Variants in NTNG1 observed in about 807,000 individuals in gnomAD.
The protein encoded by NTNG1 is netrin G1.
Under a neutral mutation model 54.0 loss-of-function variants are expected in NTNG1, and 16 were observed. The observed-to-expected ratio is 0.30, with a 90% CI of 0.20 to 0.45. The LOEUF (loss-of-function observed/expected upper bound fraction) is 0.45. NTNG1 is among the 20% of genes least tolerant of loss of function. The probability of loss-of-function intolerance (pLI) is 1.00; values close to 1 mark genes in which losing one functional copy is unlikely to be tolerated. For synonymous variants in NTNG1, 255 were observed against 263.1 expected (o/e 0.97, Z 0.30); for missense variants, 530 against 678.7 (o/e 0.78, Z 2.43).
At chr1:107,269,297 C>T (rs528393957) in intron 2 of NTNG1, among the ~76,000 whole-genome samples, 1 of 152,236 alleles carries the variant, frequency 6.6e-6, no homozygotes, top group East Asian at 1.9e-4. Context: ...CTACATGACT[C>T]ACTCCCATTC....
At chr1:107,389,742 G>T (rs1211657944) in intron 3 of NTNG1, among the ~76,000 whole-genome samples, 1 of 152,210 alleles carries the variant, frequency 6.6e-6, no homozygotes, top group African/African-American at 2.4e-5. Flanking sequence ...GCAGTGCTTA[G>T]GTATGAGTAC....
intron 3 of NTNG1, among the ~76,000 whole-genome samples, chr1:107,392,723 T>G (rs1672439591): frequency 6.6e-6 from 1 of 152,012 alleles, no homozygotes; most frequent in South Asian, 2.1e-4. Flanking sequence ...GGGAGAGGAC[T>G]TAGGAGGTAG....
chr1:107,413,757 A>T (rs1027998824), intron 5 of NTNG1, among the ~76,000 whole-genome samples: 1 of 152,190 alleles, frequency 6.6e-6, no homozygotes, highest in African/African-American at 2.4e-5. Context: ...CAGGCAGCCA[A>T]GTCTTAAATG....
chr1:107,479,112 T>G (rs1385323557), intron 7 of NTNG1, among the ~76,000 whole-genome samples: 1 of 152,212 alleles, frequency 6.6e-6, no homozygotes, highest in East Asian at 1.9e-4. Context: ...CGTGGATACA[T>G]TTGAAAATTA....
intron 3 of NTNG1, among the ~76,000 whole-genome samples, chr1:107,332,157 T>G (rs895384853): frequency 1.3e-5 from 2 of 152,120 alleles, no homozygotes; most frequent in African/African-American, 4.8e-5. Context: ...AATATATGCA[T>G]AAGCAGCTCA....
At chr1:107,155,358 G>T (rs1328130144) in intron 2 of NTNG1, among the ~76,000 whole-genome samples, 1 of 151,902 alleles carries the variant, frequency 6.6e-6, no homozygotes, top group Non-Finnish European at 1.5e-5. Context: ...ATCTTTCAAT[G>T]TCTAGCTCAA....
At chr1:107,203,880 A>G (rs1418054927) in intron 2 of NTNG1, among the ~76,000 whole-genome samples, 3 of 151,886 alleles carry the variant, frequency 2.0e-5, no homozygotes, top group Non-Finnish European at 2.9e-5. Context: ...GAATTTATCA[A>G]TACTACATTT....
intron 2 of NTNG1, among the ~76,000 whole-genome samples, chr1:107,155,207 T>A (rs1032336853): frequency 1.3e-5 from 2 of 151,982 alleles, no homozygotes; most frequent in Admixed American, 6.6e-5. Context: ...TTTAGGATGG[T>A]CTCTTGATCC....
Position 107,481,954 on chromosome 1 carries a change from A to G in NTNG1, c.*1114A>G, listed in dbSNP as rs1678739295. On this transcript the variant is annotated 3_prime_UTR_variant, in exon 8 of 8. Transcript: ENST00000370068. ...ATTTCTGTGTGGACTGAGTACATTCAGCTGACGAATTTAGTTCCCAGGAAG... is the reference window on the plus strand; with the variant it reads ...ATTTCTGTGTGGACTGAGTACATTCGGCTGACGAATTTAGTTCCCAGGAAG... 1 of 151,828 alleles carries G rather than the reference A, an allele frequency of 6.6e-6. No individual in the cohort carries two copies. Among genetic ancestry groups the G allele is most frequent in the South Asian group, 2.1e-4 (1 of 4,796 alleles). The allele number at this position is 151,828 out of a possible 1,614,324, so 9.4% of individuals were successfully genotyped here.
intron 2 of NTNG1, among the ~76,000 whole-genome samples, chr1:107,196,398 C>T (rs1004091880): frequency 6.6e-6 from 1 of 151,998 alleles, no homozygotes; most frequent in Non-Finnish European, 1.5e-5. Context: ...ATATAAACTA[C>T]TTGGCACAGT....
intron 2 of NTNG1, among the ~76,000 whole-genome samples, chr1:107,297,109 A>G (rs1665994094): frequency 1.4e-5 from 2 of 146,396 alleles, no homozygotes; most frequent in South Asian, 4.3e-4. Context: ...ACACACACAC[A>G]CACACAAACA....
At chr1:107,359,065 AAC>A (rs1670109792) in intron 3 of NTNG1, among the ~76,000 whole-genome samples, 1 of 152,204 alleles carries the variant, frequency 6.6e-6, no homozygotes, top group Non-Finnish European at 1.5e-5. Flanking sequence ...GGCAACTTAA[AAC>A]ACACACACAG....
At chr1:107,259,581 C>T (rs1663161886) in intron 2 of NTNG1, among the ~76,000 whole-genome samples, 1 of 152,056 alleles carries the variant, frequency 6.6e-6, no homozygotes, top group South Asian at 2.1e-4. Context: ...AGGTTGTTTC[C>T]CTCAAGCTCT....
intron 2 of NTNG1, among the ~76,000 whole-genome samples, chr1:107,233,022 T>C (rs1661174712): frequency 1.3e-5 from 2 of 152,350 alleles, no homozygotes; most frequent in South Asian, 4.1e-4. Context: ...ATCATTTTAA[T>C]TGCATTTCCT....
intron 2 of NTNG1, among the ~76,000 whole-genome samples, chr1:107,181,394 T>C (rs1166376295): frequency 2.0e-5 from 3 of 152,328 alleles, no homozygotes; most frequent in East Asian, 3.9e-4. Context: ...ATTAGAGGAA[T>C]TGAGTACCTT....
intron 2 of NTNG1, among the ~76,000 whole-genome samples, chr1:107,315,665 T>G (rs1667293994): frequency 6.6e-6 from 1 of 152,136 alleles, no homozygotes; most frequent in South Asian, 2.1e-4. Flanking sequence ...GTGTAGTCTT[T>G]CTTACTTTCT....
chr1:107,470,637 A>T, intron 7 of NTNG1, among the ~76,000 whole-genome samples: 1 of 152,222 alleles, frequency 6.6e-6, no homozygotes, highest in East Asian at 1.9e-4. Context: ...TTTTGTGTGA[A>T]TATGCCTCCC....
chr1:107,297,836 T>C (rs1266960169), intron 2 of NTNG1, among the ~76,000 whole-genome samples: 2 of 152,148 alleles, frequency 1.3e-5, no homozygotes, highest in Non-Finnish European at 2.9e-5. Context: ...AGTCACGTTT[T>C]TAGAAATTAC....
intron 3 of NTNG1, among the ~76,000 whole-genome samples, chr1:107,343,212 A>G (rs1669007296): frequency 6.6e-6 from 1 of 152,138 alleles, no homozygotes; most frequent in African/African-American, 2.4e-5. Context: ...TTCCAATGTC[A>G]CGCTCCACTT....
Sources: allele counts gnomAD v4.1 joint callset (sites outside exome capture counted in the v4.1 genomes callset), GRCh38; gene constraint gnomAD v4.1.1; transcripts MANE v1.5; gene names NCBI Gene and HGNC (gene_info 2026-07-23, HGNC 2026-07-21).